Variants in MTHFS observed in about 807,000 individuals in gnomAD.
The protein encoded by MTHFS is 5-formyltetrahydrofolate cyclo-ligase.
MTHFS carries 7 observed loss-of-function variants against 12.7 expected under a neutral mutation model. That is an observed-to-expected ratio of 0.55 (90% confidence interval 0.31 to 1.03). The LOEUF is 1.03. MTHFS is among the 50% of genes least tolerant of loss of function. The probability of loss-of-function intolerance (pLI) is 0.05; values close to 1 mark genes in which losing one functional copy is unlikely to be tolerated. For synonymous variants in MTHFS, 100 were observed against 97.1 expected, an observed-to-expected ratio of 1.03 and a Z score of -0.18; for missense variants, 252 against 258.1, an observed-to-expected ratio of 0.98 and a Z score of 0.16.
chr15:79,893,791 T>C (rs1360409465), intron 1 of MTHFS, among the ~76,000 whole-genome samples: 6 of 149,060 alleles, frequency 4.0e-5, no homozygotes, highest in Admixed American at 2.7e-4. Flanking sequence ...ACAGAGGGAG[T>C]AGAAAACACA....
At chr15:79,894,976 T>A (rs545572785) in intron 1 of MTHFS, among the ~76,000 whole-genome samples, 1 of 152,288 alleles carries the variant, frequency 6.6e-6, no homozygotes, top group Admixed American at 6.5e-5. Flanking sequence ...CAACCCATTA[T>A]CCAAATGCTG....
chr15:79,893,427 G>A (rs184275988), intron 1 of MTHFS, among the ~76,000 whole-genome samples: 206 of 151,560 alleles, frequency 1.4e-3, no homozygotes, highest in Non-Finnish European at 1.1e-3. Flanking sequence ...GGCTAGGCGC[G>A]GTGGCTCACG....
chr15:79,857,098 C>A (rs1240434195), intron 2 of MTHFS, among the ~76,000 whole-genome samples: 1 of 151,926 alleles, frequency 6.6e-6, no homozygotes, highest in Non-Finnish European at 1.5e-5. Context: ...CGGGTTCAAG[C>A]CATTCTCCTG....
In MTHFS at chr15:79,875,043, A is replaced by C. The variant is rs937304151; in HGVS notation, c.379+14050T>G. Among the ~76,000 whole-genome samples the C allele has an allele frequency of 3.9e-5, 6 of 152,272 alleles. No homozygotes were observed. In the Middle Eastern group the frequency reaches 0.01, roughly 259 times the overall value. On this transcript the variant is annotated intron_variant, in intron 2 of 2. Coordinates refer to ENST00000258874, the MANE Select transcript of MTHFS (RefSeq NM_006441.4). ...GATGATGGGATTAAGAGATTAAAAT[A>C]AAGACAGGCATAGGAAATCACAAGA...
intron 1 of MTHFS, among the ~76,000 whole-genome samples, chr15:79,893,391 T>C (rs1354871107): frequency 7.1e-6 from 1 of 140,316 alleles, no homozygotes; most frequent in Non-Finnish European, 1.6e-5. Flanking sequence ...AACAAAGCGA[T>C]ACTTTGTCTC....
At chr15:79,861,833 CA>C (rs1209891790) in intron 2 of MTHFS, among the ~76,000 whole-genome samples, 1 of 152,026 alleles carries the variant, frequency 6.6e-6, no homozygotes, top group African/African-American at 2.4e-5. Flanking sequence ...GGATGCAAAA[CA>C]AAATGTGAAC....
At chr15:79,879,031 A>G (rs942159966) in intron 2 of MTHFS, among the ~76,000 whole-genome samples, 1 of 152,194 alleles carries the variant, frequency 6.6e-6, no homozygotes, top group East Asian at 1.9e-4. Flanking sequence ...ATCCCTCCAG[A>G]AACTGCAAAA....
chr15:79,876,018 T>C (rs2034189420), intron 2 of MTHFS: 1 of 152,054 alleles, frequency 6.6e-6, no homozygotes, highest in Non-Finnish European at 1.5e-5. Flanking sequence ...GAGATATCTA[T>C]AGACACATAT....
At chr15:79,881,838 G>A (rs746954321) in intron 2 of MTHFS, among the ~76,000 whole-genome samples, 4 of 152,184 alleles carry the variant, frequency 2.6e-5, no homozygotes, top group Admixed American at 1.3e-4. Context: ...GGGTGACCTC[G>A]CATTATCATT....
chr15:79,889,459 T>TA, intron 1 of MTHFS, 105 bp from the exon 2 acceptor site: 9 of 740,530 alleles, frequency 1.2e-5, no homozygotes, highest in Non-Finnish European at 1.7e-5. Flanking sequence ...CTTTAAATAT[T>TA]AAAAAGAAAA....
chr15:79,878,003 A>C (rs1389801354), intron 2 of MTHFS: 1 of 152,150 alleles, frequency 6.6e-6, no homozygotes, highest in Non-Finnish European at 1.5e-5. Context: ...AGAAAGACTA[A>C]AGAAAATCCT....
intron 2 of MTHFS, among the ~76,000 whole-genome samples, chr15:79,871,731 G>C (rs1340053004): frequency 3.3e-5 from 5 of 152,046 alleles, no homozygotes; most frequent in Admixed American, 2.0e-4. Flanking sequence ...TCTGTATAAT[G>C]TTTGAAGTGA....
chr15:79,885,574 T>C (rs1596080234), intron 2 of MTHFS, among the ~76,000 whole-genome samples: 2 of 152,182 alleles, frequency 1.3e-5, no homozygotes, highest in African/African-American at 4.8e-5. Context: ...CCGCACTTCT[T>C]TTCTTCCTGG....
intron 2 of MTHFS, among the ~76,000 whole-genome samples, chr15:79,854,554 G>T (rs1270682573): frequency 6.6e-6 from 1 of 152,204 alleles, no homozygotes; most frequent in Non-Finnish European, 1.5e-5. Context: ...CCTAGCAAAA[G>T]ACCAAAATAT....
intron 2 of MTHFS, among the ~76,000 whole-genome samples, chr15:79,879,327 T>A (rs1401121983): frequency 1.5e-5 from 2 of 135,956 alleles, no homozygotes; most frequent in African/African-American, 2.8e-5. Context: ...TACCCTTTTT[T>A]TTTTTTTTTT....
chr15:79,855,762 G>A (rs368000748), intron 2 of MTHFS, among the ~76,000 whole-genome samples: 190 of 152,190 alleles, frequency 1.2e-3, no homozygotes, highest in African/African-American at 4.2e-3. Flanking sequence ...GTGAGAACAC[G>A]CAGTATTTGG....
At position 79,896,669 on chromosome 15, in the gene MTHFS, C is replaced by T. The variant is rs1223659315; in HGVS notation, c.117+203G>A. 13 of 919,064 alleles carry T rather than the reference C, an allele frequency of 1.4e-5. No homozygotes were observed. The East Asian group carries it at 4.2e-4, about 30-fold the overall frequency. The allele number at this position is 919,064 out of a possible 1,614,324, so 56.9% of individuals were successfully genotyped here. A position where few individuals can be genotyped will look rare whatever the true frequency, so the allele number is the denominator to read the frequency against. ...TAGCCCCACAACTTTCACTACCGGG[C>T]CCTCTCCCCGCCATAGTGCCAAGAG... is the stretch of plus-strand genomic sequence containing the variant. On this transcript the variant is annotated intron_variant, in intron 1 of 2. Transcript: ENST00000258874.
intron 1 of MTHFS, among the ~76,000 whole-genome samples, chr15:79,891,092 G>C (rs2034464814): frequency 6.6e-6 from 1 of 152,160 alleles, no homozygotes; most frequent in South Asian, 2.1e-4. Context: ...GAGAATAAGA[G>C]AATAGAGACC....
intron 2 of MTHFS, among the ~76,000 whole-genome samples, chr15:79,885,564 C>T (rs943853950): frequency 6.6e-6 from 1 of 152,204 alleles, no homozygotes; most frequent in Non-Finnish European, 1.5e-5. Flanking sequence ...CTAAGTCAAT[C>T]CGCACTTCTT....
Sources: gnomAD v4.1 joint callset for allele counts (sites outside exome capture counted in the v4.1 genomes callset) on GRCh38, gnomAD v4.1.1 for gene constraint, MANE v1.5 for transcripts, NCBI Gene and HGNC (gene_info 2026-07-23, HGNC 2026-07-21) for gene names.